Variants in ERC2 observed in about 807,000 individuals in gnomAD.
The protein encoded by ERC2 is ELKS/RAB6-interacting/CAST family member 2, also known as ERC protein 2.
A neutral mutation model predicts 114.8 loss-of-function variants in ERC2; 42 were observed. The observed-to-expected ratio is 0.37, with a 90% CI of 0.29 to 0.47. The LOEUF is 0.47. Among genes scored for constraint, ERC2 ranks in the 20% least tolerant of loss-of-function variants. The probability of loss-of-function intolerance (pLI) is 0.99; values close to 1 mark genes in which losing one functional copy is unlikely to be tolerated. For synonymous variants in ERC2, 454 were observed against 425.5 expected (o/e 1.07, Z -0.82); for missense variants, 939 against 1,150.7 (o/e 0.82, Z 2.66).
intron 17 of ERC2, among the ~76,000 whole-genome samples, chr3:55,534,290 G>A (rs112940837): frequency 0.011 from 1,729 of 152,040 alleles, 38 homozygotes; most frequent in African/African-American, 0.04. Context: ...TTAGCCAGGC[G>A]TGGTGGCATA....
intron 1 of ERC2, among the ~76,000 whole-genome samples, chr3:56,457,755 A>T (rs2063128572): frequency 6.6e-6 from 1 of 152,012 alleles, no homozygotes; most frequent in African/African-American, 2.4e-5. Flanking sequence ...TCTCTCGCTT[A>T]CCTTTGGACC....
chr3:55,548,776 T>C (rs1483355904), intron 17 of ERC2, among the ~76,000 whole-genome samples: 3 of 152,122 alleles, frequency 2.0e-5, no homozygotes, highest in African/African-American at 7.2e-5. Flanking sequence ...TTCACATGGG[T>C]ACCAGGCAGG....
intron 2 of ERC2, among the ~76,000 whole-genome samples, chr3:56,406,438 A>C (rs1460345752): frequency 6.6e-6 from 1 of 152,174 alleles, no homozygotes; most frequent in Non-Finnish European, 1.5e-5. Flanking sequence ...AGGTAGAATA[A>C]ATTTCACCCC....
chr3:55,643,822 A>G (rs1056208089), intron 17 of ERC2, among the ~76,000 whole-genome samples: 1 of 152,244 alleles, frequency 6.6e-6, no homozygotes, highest in Non-Finnish European at 1.5e-5. Context: ...GAGAAAAAAT[A>G]TTAAAATTTA....
chr3:55,520,815 C>G (rs1413914683), intron 17 of ERC2, among the ~76,000 whole-genome samples: 2 of 152,022 alleles, frequency 1.3e-5, no homozygotes, highest in Non-Finnish European at 2.9e-5. Flanking sequence ...GTTAAAAAGC[C>G]CTTTACTGAA....
At chr3:56,259,115 G>A (rs2052732389) in intron 3 of ERC2, among the ~76,000 whole-genome samples, 1 of 151,784 alleles carries the variant, frequency 6.6e-6, no homozygotes. Flanking sequence ...CGGGATTACA[G>A]GCCTGTGCCA....
rs549763032 is a variant in ERC2 at position 56,383,032 on chromosome 3, T to C, written c.657+51319A>G. 3.9e-5 allele frequency among the ~76,000 whole-genome samples: 6 copies of C among 152,216 alleles called. No homozygotes were observed. In the South Asian group the frequency reaches 1.0e-3, roughly 26 times the overall value. On this transcript the variant is annotated intron_variant, in intron 2 of 17. Coordinates refer to ENST00000288221, the MANE Select transcript of ERC2 (RefSeq NM_015576.3). ...AAATCATTCTTAATTATGTTTTTTT[T>C]CCCATCCCACAATCAATCCATCAGT...
intron 13 of ERC2, among the ~76,000 whole-genome samples, chr3:55,889,425 T>C (rs1354649634): frequency 6.6e-6 from 1 of 152,106 alleles, no homozygotes; most frequent in African/African-American, 2.4e-5. Flanking sequence ...ATAAATGACA[T>C]GTAACTTTTA....
intron 6 of ERC2, 74 bp downstream of exon 6, chr3:56,139,435 G>A: frequency 6.9e-7 from 1 of 1,457,368 alleles, no homozygotes; most frequent in Non-Finnish European, 9.3e-7. Context: ...GTCTTTGGAG[G>A]AAAGTTGTTC....
At chr3:55,777,014 A>G (rs1351793433) in intron 14 of ERC2, among the ~76,000 whole-genome samples, 2 of 152,184 alleles carry the variant, frequency 1.3e-5, no homozygotes, top group South Asian at 2.1e-4. Context: ...CTTCTTGCTT[A>G]TAGAACCAAG....
At chr3:56,320,355 A>G (rs574786293) in intron 2 of ERC2, among the ~76,000 whole-genome samples, 1 of 152,358 alleles carries the variant, frequency 6.6e-6, no homozygotes, top group African/African-American at 2.4e-5. Flanking sequence ...CTTTACTCCA[A>G]GTTCATCTGC....
chr3:55,798,364 C>T (rs1404952107), intron 14 of ERC2, among the ~76,000 whole-genome samples: 3 of 151,986 alleles, frequency 2.0e-5, no homozygotes, highest in Admixed American at 6.6e-5. Flanking sequence ...TTTCGGAGGC[C>T]GAGGCGGGCA....
At chr3:56,268,140 A>G (rs958771816) in intron 3 of ERC2, among the ~76,000 whole-genome samples, 2 of 152,348 alleles carry the variant, frequency 1.3e-5, no homozygotes, top group Admixed American at 6.5e-5. Context: ...TATGATTATA[A>G]TACTGTATTT....
intron 15 of ERC2, among the ~76,000 whole-genome samples, chr3:55,727,650 G>C (rs977177150): frequency 6.6e-6 from 1 of 152,124 alleles, no homozygotes; most frequent in African/African-American, 2.4e-5. Flanking sequence ...TGTTTAACAA[G>C]AGTTAAAACA....
At chr3:55,798,597 C>CA (rs769555442) in intron 14 of ERC2, among the ~76,000 whole-genome samples, 2,967 of 89,948 alleles carry the variant, frequency 0.033, 42 homozygotes, top group Middle Eastern at 0.086. Flanking sequence ...GACTTCGTTT[C>CA]AAAAAAAAAA....
At chr3:56,397,276 T>C (rs961344796) in intron 2 of ERC2, among the ~76,000 whole-genome samples, 15 of 150,800 alleles carry the variant, frequency 9.9e-5, no homozygotes. Context: ...TTGAGCCCAG[T>C]AGGCTAAGGC....
Position 56,434,561 on chromosome 3 carries a change from A to G in ERC2, c.447T>C (p.Asp149=), listed in dbSNP as rs2061934158. ...GCAGTTCTTTCAGCTGGGCCTGAAGATCTAACATTGTGCTGTCTCTTACCT... is the reference window on the plus strand; with the variant it reads ...GCAGTTCTTTCAGCTGGGCCTGAAGGTCTAACATTGTGCTGTCTCTTACCT... ...LRQVRDSTML[D]LQAQLKELQR... Residue 149 remains aspartate, a synonymous_variant, in exon 2 of 18, where the codon GAT becomes GAC. Transcript: ENST00000288221. The G allele has an allele frequency of 6.2e-7, 1 of 1,613,916 alleles. No individual in the cohort carries two copies. Among genetic ancestry groups the G allele is most frequent in the Admixed American group, 1.7e-5 (1 of 60,020 alleles).
intron 2 of ERC2, among the ~76,000 whole-genome samples, chr3:56,332,316 CCATAATAATCAT>C (rs1185049727): frequency 6.6e-6 from 1 of 152,178 alleles, no homozygotes; most frequent in Non-Finnish European, 1.5e-5. Context: ...AGAGTCATCT[CCATAATAATCAT>C]CATCATAACA....
At chr3:56,292,545 G>A (rs947609454) in intron 3 of ERC2, among the ~76,000 whole-genome samples, 27 of 152,026 alleles carry the variant, frequency 1.8e-4, no homozygotes, top group African/African-American at 6.0e-4. Context: ...AGCCGAGACT[G>A]TGCCACTGTA....
Sources: allele counts gnomAD v4.1 joint callset (sites outside exome capture counted in the v4.1 genomes callset), GRCh38; gene constraint gnomAD v4.1.1; transcripts MANE v1.5; gene names NCBI Gene and HGNC (gene_info 2026-07-23, HGNC 2026-07-21).